The following KANTR variants were observed in gnomAD, a reference collection of about 807,000 sequenced individuals.
The protein encoded by KANTR is KDM5C adjacent transcript.
intron 1 of KANTR, among the ~76,000 whole-genome samples, chrX:53,096,733 G>A (rs782727236): frequency 1.4e-3 from 151 of 110,625 alleles, no homozygotes; most frequent in African/African-American, 4.8e-3. Flanking sequence ...GGCTGAGATG[G>A]GAGGATTGCT....
At chrX:53,139,416 C>T (rs188349017) in intron 2 of KANTR, among the ~76,000 whole-genome samples, 22 of 111,736 alleles carry the variant, frequency 2.0e-4, no homozygotes, top group Non-Finnish European at 3.6e-4. Context: ...CAATGAAAGA[C>T]ACTATGGACA....
At chrX:53,098,848 C>T (rs1027726599) in intron 1 of KANTR, among the ~76,000 whole-genome samples, 1 of 110,802 alleles carries the variant, frequency 9.0e-6, no homozygotes, top group African/African-American at 3.3e-5. Flanking sequence ...ACCTCAGCCT[C>T]CCAAGTAGCT....
chrX:53,128,393 A>G (rs782779921), downstream of KANTR, among the ~76,000 whole-genome samples: 2 of 111,370 alleles, frequency 1.8e-5, no homozygotes, highest in African/African-American at 3.3e-5. Flanking sequence ...GGAATACACA[A>G]CCCAGCTCAG....
At chrX:53,142,081 C>T (rs1427281934) in exon 3 of KANTR, 6 of 126,850 alleles carry the variant, frequency 4.7e-5, no homozygotes, top group East Asian at 2.6e-4. Context: ...CTGCTGACCA[C>T]GCATACTCAC....
At chrX:53,101,889 C>T (rs1476115477) in intron 2 of KANTR, among the ~76,000 whole-genome samples, 1 of 110,415 alleles carries the variant, frequency 9.1e-6, no homozygotes, top group Non-Finnish European at 1.9e-5. Flanking sequence ...GTCCCAGCTA[C>T]TCAGGGAGGC....
At chrX:53,133,592 C>G (rs1556817290) in intron 2 of KANTR, among the ~76,000 whole-genome samples, 2 of 111,440 alleles carry the variant, frequency 1.8e-5, no homozygotes, top group African/African-American at 6.5e-5. Context: ...GCGGCTCCTG[C>G]ACACCCTCTC....
chrX:53,121,940 TC>T (rs1373024524), intron 2 of KANTR, among the ~76,000 whole-genome samples: 4 of 111,654 alleles, frequency 3.6e-5, no homozygotes, highest in African/African-American at 9.8e-5. Context: ...TTTGGAAGAC[TC>T]TAGCCCACCC....
chrX:53,096,464 C>T (rs978350210), intron 1 of KANTR, among the ~76,000 whole-genome samples: 2 of 111,974 alleles, frequency 1.8e-5, no homozygotes, highest in Non-Finnish European at 3.8e-5. Flanking sequence ...CTGCAGAGGG[C>T]TGAGCATCCC....
exon 3 of KANTR, chrX:53,126,293 A>AT (rs1239846925): frequency 1.8e-5 from 2 of 109,812 alleles, no homozygotes; most frequent in Non-Finnish European, 3.8e-5. Flanking sequence ...ATTGCCTTTC[A>AT]TTTTTTCTAG....
intron 2 of KANTR, among the ~76,000 whole-genome samples, chrX:53,120,372 C>T (rs1556815317): frequency 9.0e-6 from 1 of 111,580 alleles, no homozygotes; most frequent in Non-Finnish European, 1.9e-5. Flanking sequence ...TCAGAATCAG[C>T]TTGTCATGTT....
downstream of KANTR, chrX:53,143,590 G>A (rs1204986106): frequency 1.6e-5 from 10 of 642,343 alleles, no homozygotes; most frequent in Non-Finnish European, 2.6e-5. Context: ...GGTTCGAGGG[G>A]CCTCGGCCAA....
downstream of KANTR, among the ~76,000 whole-genome samples, chrX:53,132,421 C>G (rs782290167): frequency 5.4e-5 from 6 of 111,897 alleles, no homozygotes; most frequent in African/African-American, 1.6e-4. Context: ...CAAGCAATTT[C>G]CTGAAGTGGA....
chrX:53,117,589 C>CTGTG (rs1227913049), intron 2 of KANTR, among the ~76,000 whole-genome samples: 5 of 78,547 alleles, frequency 6.4e-5, no homozygotes, highest in African/African-American at 1.9e-4. Context: ...TAGTATCATA[C>CTGTG]TGTGTGTGTG....
chrX:53,143,316 G>A (rs1393599435), downstream of KANTR: 22 of 636,987 alleles, frequency 3.5e-5, no homozygotes, highest in African/African-American at 1.5e-4. Context: ...CTGCTTGGCC[G>A]TGATGGTGAA....
chrX:53,113,057 AAT>A (rs1224672106), intron 2 of KANTR: 9 of 219,913 alleles, frequency 4.1e-5, no homozygotes, highest in African/African-American at 2.7e-4. Flanking sequence ...AGATGATTAT[AAT>A]TATGAACTTT....
exon 3 of KANTR, chrX:53,142,456 T>C (rs1933516916): frequency 4.8e-6 from 1 of 209,628 alleles, no homozygotes; most frequent in Admixed American, 6.2e-5. Context: ...GCTGGGATTA[T>C]AGGCGAATGC....
chrX:53,105,294 C>T (rs1932934779), intron 2 of KANTR, among the ~76,000 whole-genome samples: 1 of 111,693 alleles, frequency 9.0e-6, no homozygotes, highest in African/African-American at 3.2e-5. Flanking sequence ...CAACACTTTT[C>T]GTTTGTCTTT....
intron 2 of KANTR, among the ~76,000 whole-genome samples, chrX:53,136,671 AGGCAAGATCTACCACGCCCG>A (rs1933424721): frequency 1.8e-5 from 1 of 55,160 alleles, no homozygotes; most frequent in Non-Finnish European, 3.7e-5. Context: ...CTGGGATTAC[AGGCAAGATCTACCACGCCCG>A]GCATATATAT....
At chrX:53,129,443 G>A (rs1391319771), downstream of KANTR, among the ~76,000 whole-genome samples, 1 of 110,663 alleles carries the variant, frequency 9.0e-6, no homozygotes, top group East Asian at 2.8e-4. Context: ...CTTTAGCATA[G>A]ATCACTTAAT....
Sources: allele counts gnomAD v4.1 joint callset (sites outside exome capture counted in the v4.1 genomes callset), GRCh38; gene constraint gnomAD v4.1.1; transcripts MANE v1.5; gene names NCBI Gene and HGNC (gene_info 2026-07-23, HGNC 2026-07-21).